SMAD1: variants seen among roughly 807,000 people sequenced by gnomAD.
SMAD1 encodes the protein MAD, mothers against decapentaplegic homolog 1.
In SMAD1, 6 loss-of-function variants were observed where a neutral mutation model predicts 41.6. The ratio of observed to expected loss-of-function variants is 0.14; its 90% CI spans 0.08 to 0.28. SMAD1 has a LOEUF of 0.28. SMAD1 is among the 10% of genes least tolerant of loss of function. The probability of loss-of-function intolerance (pLI) is 1.00; values close to 1 mark genes in which losing one functional copy is unlikely to be tolerated. For missense variants in SMAD1, 379 were observed against 582.6 expected (o/e 0.65, Z 3.60); for synonymous variants, 206 against 203.2 (o/e 1.01, Z -0.12).
chr4:145,523,260 C>T (rs976014443), intron 2 of SMAD1, among the ~76,000 whole-genome samples: 7 of 152,110 alleles, frequency 4.6e-5, no homozygotes, highest in Non-Finnish European at 8.8e-5. Flanking sequence ...ACAGAGACTG[C>T]GACTAACTCT....
At chr4:145,543,234 T>C (rs1732053487) in intron 4 of SMAD1, among the ~76,000 whole-genome samples, 1 of 152,222 alleles carries the variant, frequency 6.6e-6, no homozygotes, top group Non-Finnish European at 1.5e-5. Flanking sequence ...CCCAAAGTGC[T>C]GGGATTACAG....
rs1489391654 is a variant in SMAD1 at position 145,542,695 on chromosome 4, G to A, written c.772G>A (p.Gly258Arg). 6.2e-7 allele frequency: 1 copy of A among 1,604,330 alleles called. No individual in the cohort carries two copies. Among genetic ancestry groups the A allele is most frequent in the Non-Finnish European group, 8.5e-7 (1 of 1,172,964 alleles). The change falls in exon 4 of 7, where the codon GGA (glycine) becomes AGA (arginine). Residue 258 changes from glycine to arginine, a missense_variant. Gly to Arg is a moderately radical substitution (Grantham distance 125). Coordinates refer to ENST00000302085, the MANE Select transcript of SMAD1 (RefSeq NM_005900.3). ...APPLPSEINR[G>R]DVQAVAYEEP... The stretch of plus-strand genomic sequence containing the variant: ...TCCCCTGCCCTCAGAAATCAACAGA[G>A]GAGGTAAAACTAATTGCTGCCTGTT...
upstream of SMAD1, among the ~76,000 whole-genome samples, chr4:145,480,911 G>A (rs972677764): frequency 7.4e-6 from 1 of 135,862 alleles, no homozygotes; most frequent in East Asian, 2.3e-4. Flanking sequence ...TACATTGCTG[G>A]GAGTGATTTT....
chr4:145,536,005 A>G (rs972171920), intron 2 of SMAD1, among the ~76,000 whole-genome samples: 2 of 152,084 alleles, frequency 1.3e-5, no homozygotes, highest in African/African-American at 2.4e-5. Context: ...AAAAAATTAA[A>G]GAGAATAAAC....
At chr4:145,527,416 G>A (rs1014141983) in intron 2 of SMAD1, among the ~76,000 whole-genome samples, 2 of 151,940 alleles carry the variant, frequency 1.3e-5, no homozygotes, top group Non-Finnish European at 2.9e-5. Flanking sequence ...GTAGAGACGG[G>A]GTTTCACCGT....
chr4:145,535,927 G>A (rs1019368536), intron 2 of SMAD1, among the ~76,000 whole-genome samples: 2 of 150,778 alleles, frequency 1.3e-5, no homozygotes, highest in African/African-American at 4.9e-5. Context: ...AGAGAAGAGA[G>A]GGATGAATCC....
intron 2 of SMAD1, among the ~76,000 whole-genome samples, chr4:145,534,392 GTATTAATAACTTTT>G (rs1731493122): frequency 6.6e-6 from 1 of 152,104 alleles, no homozygotes; most frequent in Non-Finnish European, 1.5e-5. Flanking sequence ...CTCAATAAAA[GTATTAATAACTTTT>G]TTTACCGGAG....
chr4:145,524,639 T>A (rs1560746658), intron 2 of SMAD1, among the ~76,000 whole-genome samples: 2 of 152,208 alleles, frequency 1.3e-5, no homozygotes. Flanking sequence ...ATTATTTTTC[T>A]TCTTATTCTA....
At chr4:145,481,555 A>G (rs2126918704), upstream of SMAD1, 1 of 152,372 alleles carries the variant, frequency 6.6e-6, no homozygotes, top group South Asian at 2.1e-4. Flanking sequence ...AGGCAGGGTT[A>G]GGAAAGCCTG....
chr4:145,514,719 G>A lies in SMAD1; in HGVS notation c.106G>A (p.Ala36Thr), dbSNP rs1288555676. The A allele has an allele frequency of 4.3e-6, 7 of 1,614,038 alleles. No homozygotes were observed. Among genetic ancestry groups the A allele is most frequent in the Admixed American group, 1.7e-5 (1 of 60,000 alleles). Reference sequence around the variant, plus strand: ...AAAATGGGCAGAGAAAGCTGTTGATGCTTTGGTGAAAAAACTGAAGAAAAA... The same window carrying A: ...AAAATGGGCAGAGAAAGCTGTTGATACTTTGGTGAAAAAACTGAAGAAAAA... ...EEKWAEKAVD[A>T]LVKKLKKKKG... Residue 36 changes from alanine (A) to threonine (T), a missense_variant, in exon 2 of 7, where the codon GCT (alanine) becomes ACT (threonine). By Grantham distance (58) the Ala-to-Thr change is moderately conservative (BLOSUM62 0). Transcript: ENST00000302085. This position sits in a 1 kb window ranked among gnomAD's most constrained non-coding sequence, Gnocchi z 4.7.
At chr4:145,550,557 A>G (rs1440759760) in intron 5 of SMAD1, among the ~76,000 whole-genome samples, 1 of 152,180 alleles carries the variant, frequency 6.6e-6, no homozygotes, top group African/African-American at 2.4e-5. Flanking sequence ...ATAAATAAAT[A>G]CAGACATACA....
chr4:145,493,917 A>T (rs1354125403), intron 1 of SMAD1, among the ~76,000 whole-genome samples: 1 of 152,176 alleles, frequency 6.6e-6, no homozygotes, highest in African/African-American at 2.4e-5. Flanking sequence ...GATGCATTTG[A>T]TAGAGCTTTT....
chr4:145,557,708 T>G, intron 6 of SMAD1, 83 bp from the exon 7 acceptor site: 6 of 1,094,650 alleles, frequency 5.5e-6, no homozygotes, highest in South Asian at 1.9e-5. Flanking sequence ...AATCAGAGTC[T>G]TTGGTTATGT....
intron 2 of SMAD1, among the ~76,000 whole-genome samples, chr4:145,520,753 T>C (rs774353331): frequency 3.9e-5 from 6 of 152,338 alleles, no homozygotes; most frequent in Non-Finnish European, 5.9e-5. Context: ...AATTGTTCTT[T>C]AGAGTGTACT....
chr4:145,484,696 G>A (rs563984362), intron 1 of SMAD1: 1 of 152,300 alleles, frequency 6.6e-6, no homozygotes, highest in Admixed American at 6.5e-5. Flanking sequence ...TTTGGTAGAG[G>A]AGAAACAGAT....
At chr4:145,551,757 C>T (rs1217474762) in intron 5 of SMAD1, among the ~76,000 whole-genome samples, 1 of 152,172 alleles carries the variant, frequency 6.6e-6, no homozygotes, top group Non-Finnish European at 1.5e-5. Context: ...AAATTCAGTA[C>T]TGGCATGGGT....
chr4:145,508,155 A>C (rs1351045250), intron 1 of SMAD1, among the ~76,000 whole-genome samples: 1 of 151,840 alleles, frequency 6.6e-6, no homozygotes, highest in East Asian at 1.9e-4. Context: ...TGTCTTTCTA[A>C]AATGTAGATC....
At chr4:145,493,991 T>C (rs1172762615) in intron 1 of SMAD1, among the ~76,000 whole-genome samples, 1 of 152,230 alleles carries the variant, frequency 6.6e-6, no homozygotes, top group African/African-American at 2.4e-5. Flanking sequence ...AGACAGAGTC[T>C]CACCCTGTCG....
chr4:145,493,466 T>C (rs2126944105), intron 1 of SMAD1, among the ~76,000 whole-genome samples: 1 of 152,354 alleles, frequency 6.6e-6, no homozygotes, highest in Non-Finnish European at 1.5e-5. Flanking sequence ...AGGGCTTCTA[T>C]TTAGTTTATT....
Sources: gnomAD v4.1 joint callset for allele counts (sites outside exome capture counted in the v4.1 genomes callset) on GRCh38, gnomAD v4.1.1 for gene constraint, Gnocchi (gnomAD v3.1) non-coding constraint, MANE v1.5 for transcripts, NCBI Gene and HGNC (gene_info 2026-07-23, HGNC 2026-07-21) for gene names.